REPS2: variants seen among roughly 807,000 people sequenced by gnomAD.
REPS2 encodes the protein RALBP1 associated Eps domain containing 2.
Under a neutral mutation model 53.6 loss-of-function variants are expected in REPS2, and 23 were observed. That is an observed-to-expected ratio of 0.43 (90% CI 0.31 to 0.61). The LOEUF is 0.61. Ranked by LOEUF, REPS2 falls within the 20% of genes least tolerant of loss-of-function variation. The pLI, the probability that REPS2 is intolerant of heterozygous loss-of-function variation, is 0.11. For synonymous variants in REPS2, 238 were observed against 218.6 expected, an observed-to-expected ratio of 1.09 and a Z score of -0.78; for missense variants, 446 against 534.9, an observed-to-expected ratio of 0.83 and a Z score of 1.64.
At chrX:17,101,116 T>G (rs941145717) in intron 13 of REPS2, among the ~76,000 whole-genome samples, 1 of 103,317 alleles carries the variant, frequency 9.7e-6, no homozygotes, top group Non-Finnish European at 2.0e-5. Context: ...TGCAGTGGTG[T>G]GATCTCGGCT....
At chrX:17,112,672 C>G (rs1185271877) in intron 14 of REPS2, among the ~76,000 whole-genome samples, 1 of 111,328 alleles carries the variant, frequency 9.0e-6, no homozygotes. Flanking sequence ...TGAGCGAAAA[C>G]AAAATCATAT....
chrX:17,178,487 A>C, the REPS2 span, among the ~76,000 whole-genome samples: 2 of 112,518 alleles, frequency 1.8e-5, no homozygotes, highest in Non-Finnish European at 3.7e-5. Context: ...TAAATGATGA[A>C]TGGGAGCTGC....
At chrX:17,121,428 C>T (rs113635104) in intron 14 of REPS2, among the ~76,000 whole-genome samples, 4 of 112,596 alleles carry the variant, frequency 3.6e-5, no homozygotes, top group Admixed American at 9.3e-5. Context: ...TGTGTACCAT[C>T]GGCTCACTAA....
intron 14 of REPS2, among the ~76,000 whole-genome samples, chrX:17,114,931 A>G (rs4828527): frequency 8.9e-6 from 1 of 112,070 alleles, no homozygotes; most frequent in Non-Finnish European, 1.9e-5. Context: ...TCCGGATTGT[A>G]CTGTCAATCT....
chrX:17,075,308 C>T (rs754451275), intron 12 of REPS2, among the ~76,000 whole-genome samples: 1 of 111,945 alleles, frequency 8.9e-6, no homozygotes, highest in East Asian at 2.8e-4. Flanking sequence ...AACCATAAAT[C>T]GAACCTCAAA....
chrX:17,040,655 C>T (rs371732463), intron 5 of REPS2, among the ~76,000 whole-genome samples: 7 of 112,182 alleles, frequency 6.2e-5, no homozygotes, highest in African/African-American at 1.6e-4. Context: ...CTTCATTTCT[C>T]ATTGAACACT....
intron 2 of REPS2, among the ~76,000 whole-genome samples, chrX:17,015,269 A>G (rs1339460464): frequency 8.8e-6 from 1 of 113,049 alleles, no homozygotes; most frequent in East Asian, 2.8e-4. Flanking sequence ...AATGATTTAA[A>G]TAAAAGGTTT....
chrX:17,072,870 G>A (rs1412025789), intron 11 of REPS2, among the ~76,000 whole-genome samples: 2 of 111,983 alleles, frequency 1.8e-5, no homozygotes, highest in African/African-American at 3.2e-5. Context: ...AGGTGTGGGT[G>A]CACGATAATG....
chrX:17,176,219 G>C, the REPS2 span, among the ~76,000 whole-genome samples: 1 of 111,710 alleles, frequency 9.0e-6, no homozygotes, highest in East Asian at 2.8e-4. Flanking sequence ...TTAAGTCAAA[G>C]GTTTATCTCC....
chrX:17,193,960 G>C, the REPS2 span, among the ~76,000 whole-genome samples: 1 of 111,578 alleles, frequency 9.0e-6, no homozygotes, highest in Middle Eastern at 4.6e-3. Context: ...GAAAATAATG[G>C]AGAAAACTGG....
rs780854226 is a variant in REPS2 at position 17,148,833 on chromosome X, A to G, written c.*1352A>G. ...AATGCTGTCTCTTGTGCATTTTACT[A>G]ATTTCCCCATTCTTAGGGTAGCAGG... On this transcript the variant is annotated 3_prime_UTR_variant, in exon 18 of 18. Transcript: ENST00000357277. 2.4e-5 allele frequency: 8 copies of G among 330,952 alleles called. No homozygotes were observed. The highest frequency in any genetic ancestry group is 4.0e-5 in the Non-Finnish European group (7 of 173,170). The allele number at this position is 330,952 out of a possible 1,213,427, so 27.3% of individuals were successfully genotyped here. A position where few individuals can be genotyped will look rare whatever the true frequency, so the allele number is the denominator to read the frequency against.
At chrX:17,010,252 G>C (rs1415684602) in intron 2 of REPS2, among the ~76,000 whole-genome samples, 2 of 112,379 alleles carry the variant, frequency 1.8e-5, no homozygotes, top group African/African-American at 6.5e-5. Flanking sequence ...AACGCCCTAC[G>C]GGGTAATACA....
intron 9 of REPS2, among the ~76,000 whole-genome samples, chrX:17,064,055 T>C (rs2062194277): frequency 9.1e-6 from 1 of 110,408 alleles, no homozygotes; most frequent in African/African-American, 3.3e-5. Context: ...TACTTTTGCA[T>C]ACTTTAAGTG....
chrX:16,946,675 G>T lies in REPS2; in HGVS notation c.-187G>T. The T allele has an allele frequency of 1.5e-5, 5 of 332,624 alleles. No homozygotes were observed. Among genetic ancestry groups the T allele is most frequent in the Non-Finnish European group, 2.0e-5 (5 of 255,542 alleles). The allele number at this position is 332,624 out of a possible 1,213,427, so 27.4% of individuals were successfully genotyped here. A position where few individuals can be genotyped will look rare whatever the true frequency, so the allele number is the denominator to read the frequency against. On this transcript the variant is annotated 5_prime_UTR_variant, in exon 1 of 18. Transcript: ENST00000357277. ...TGAGGCACAACATTCAAGCCCGGGGGTGGGGCCGGCGCGCGCCGGGAGGAA... is the reference window on the plus strand; with the variant it reads ...TGAGGCACAACATTCAAGCCCGGGGTTGGGGCCGGCGCGCGCCGGGAGGAA...
chrX:17,038,821 G>C lies in REPS2; in HGVS notation c.772-8526G>C, dbSNP rs113485401. On this transcript the variant is annotated intron_variant, in intron 5 of 17. Transcript: ENST00000357277. Reference sequence around the variant, plus strand: ...CCTGGAGTGGGAGGGAGATGAGGTCGGAGAGGGAGGCAGGGCCCTGTGGGC... The same window carrying C: ...CCTGGAGTGGGAGGGAGATGAGGTCCGAGAGGGAGGCAGGGCCCTGTGGGC... 4.9e-3 allele frequency among the ~76,000 whole-genome samples: 551 copies of C among 112,191 alleles called. 3 individuals carry two copies. The highest frequency in any genetic ancestry group is 0.017 in the African/African-American group (529 of 30,907).
At chrX:17,079,235 T>G (rs2062421665) in intron 13 of REPS2, among the ~76,000 whole-genome samples, 1 of 111,900 alleles carries the variant, frequency 8.9e-6, no homozygotes, top group South Asian at 3.7e-4. Flanking sequence ...CAGGCCTTAG[T>G]AAGCATGTAA....
At chrX:17,160,097 C>G in the REPS2 span, among the ~76,000 whole-genome samples, 9 of 112,764 alleles carry the variant, frequency 8.0e-5, no homozygotes, top group Non-Finnish European at 1.7e-4. Context: ...AATTGTGTCC[C>G]ACAATAATGT....
chrX:17,172,511 G>A, the REPS2 span, among the ~76,000 whole-genome samples: 1 of 111,806 alleles, frequency 8.9e-6, no homozygotes, highest in East Asian at 2.8e-4. Flanking sequence ...CATGCTTCCT[G>A]TACAGCCTGT....
intron 5 of REPS2, among the ~76,000 whole-genome samples, chrX:17,042,275 G>A (rs955970637): frequency 3.6e-5 from 4 of 111,665 alleles, no homozygotes; most frequent in Non-Finnish European, 7.5e-5. Flanking sequence ...GCCTCTTTAG[G>A]GTGCATGCAA....
Sources: gnomAD v4.1 joint callset for allele counts (sites outside exome capture counted in the v4.1 genomes callset) on GRCh38, gnomAD v4.1.1 for gene constraint, MANE v1.5 for transcripts, NCBI Gene and HGNC (gene_info 2026-07-23, HGNC 2026-07-21) for gene names.